ETNK1: variants seen among roughly 807,000 people sequenced by gnomAD.
ETNK1 encodes ethanolamine kinase 1, also known as putative protein product of Nbla10396.
A neutral mutation model predicts 45.1 loss-of-function variants in ETNK1; 8 were observed. That is an observed-to-expected ratio of 0.18 (90% confidence interval 0.10 to 0.32). The LOEUF (loss-of-function observed/expected upper bound fraction) is 0.32. ETNK1 is among the 10% of genes least tolerant of loss of function. The pLI, the probability that ETNK1 is intolerant of heterozygous loss-of-function variation, is 1.00. For synonymous variants in ETNK1, 152 were observed against 151.9 expected (o/e 1.00, Z -0.01); for missense variants, 302 against 430.6 (o/e 0.70, Z 2.64).
At chr12:22,653,337 C>T (rs1953901312) in intron 2 of ETNK1, among the ~76,000 whole-genome samples, 1 of 152,120 alleles carries the variant, frequency 6.6e-6, no homozygotes, top group Non-Finnish European at 1.5e-5. Flanking sequence ...ATTTTAGCTA[C>T]TCGGGTCCCT....
intron 2 of ETNK1, among the ~76,000 whole-genome samples, chr12:22,646,341 CG>C (rs1475520314): frequency 1.3e-4 from 20 of 151,642 alleles, no homozygotes; most frequent in African/African-American, 4.6e-4. Flanking sequence ...CAAATATGTA[CG>C]GTGAAATACT....
At chr12:22,655,127 C>T (rs967245567) in intron 2 of ETNK1, among the ~76,000 whole-genome samples, 3 of 151,846 alleles carry the variant, frequency 2.0e-5, no homozygotes, top group African/African-American at 7.3e-5. Flanking sequence ...CCACCACATC[C>T]GGCTAATTTT....
At chr12:22,637,247 T>C (rs1953668406) in intron 1 of ETNK1, among the ~76,000 whole-genome samples, 1 of 152,210 alleles carries the variant, frequency 6.6e-6, no homozygotes, top group African/African-American at 2.4e-5. Context: ...GTTTCCCATC[T>C]CTCAGGGATC....
chr12:22,646,718 C>G (rs1157992822), intron 2 of ETNK1, among the ~76,000 whole-genome samples: 1 of 151,734 alleles, frequency 6.6e-6, no homozygotes, highest in Non-Finnish European at 1.5e-5. Flanking sequence ...GCTCATTCAA[C>G]CATAGCTGTA....
chr12:22,645,793 T>C (rs997011316), intron 2 of ETNK1, among the ~76,000 whole-genome samples: 1 of 151,804 alleles, frequency 6.6e-6, no homozygotes, highest in Admixed American at 6.6e-5. Flanking sequence ...TGCTGTATTA[T>C]TGAATGCTAG....
At chr12:22,655,738 TC>T (rs1953932951) in intron 2 of ETNK1, among the ~76,000 whole-genome samples, 1 of 152,036 alleles carries the variant, frequency 6.6e-6, no homozygotes, top group South Asian at 2.1e-4. Context: ...TAATTTTTTT[TC>T]CTGGTGTTTG....
At chr12:22,635,508 A>C (rs1953644352) in intron 1 of ETNK1, among the ~76,000 whole-genome samples, 1 of 152,234 alleles carries the variant, frequency 6.6e-6, no homozygotes, top group African/African-American at 2.4e-5. Context: ...ATACCAAGAT[A>C]CAATGAACAG....
Position 22,688,546 on chromosome 12 carries a change from C to T in ETNK1, c.*3592C>T, listed in dbSNP as rs1954279246. On this transcript the variant is annotated 3_prime_UTR_variant, in exon 8 of 8. Transcript: ENST00000266517. Reference sequence around the variant, plus strand: ...TTCATAATATAAGTGAAAATACTGTCATTTCAATTTTCTGCTTTAAATTGT... The same window carrying T: ...TTCATAATATAAGTGAAAATACTGTTATTTCAATTTTCTGCTTTAAATTGT... 1 of 152,248 alleles carries T rather than the reference C, an allele frequency of 6.6e-6. No individual in the cohort carries two copies. Among genetic ancestry groups the T allele is most frequent in the African/African-American group, 2.4e-5 (1 of 41,420 alleles). The allele number at this position is 152,248 out of a possible 1,614,324, so 9.4% of individuals were successfully genotyped here. A position where few individuals can be genotyped will look rare whatever the true frequency, so the allele number is the denominator to read the frequency against.
chr12:22,626,045 C>G (rs560995441), intron 1 of ETNK1: 5 of 366,196 alleles, frequency 1.4e-5, no homozygotes, highest in South Asian at 1.0e-4. Flanking sequence ...CCTCACACTG[C>G]GTTTTGTCTT....
intron 6 of ETNK1, among the ~76,000 whole-genome samples, chr12:22,681,939 C>T (rs1954219037): frequency 6.6e-6 from 1 of 152,098 alleles, no homozygotes; most frequent in Non-Finnish European, 1.5e-5. Context: ...GACCAAAGCT[C>T]AACAAGTGAT....
intron 2 of ETNK1, among the ~76,000 whole-genome samples, chr12:22,651,730 C>T: frequency 7.0e-6 from 1 of 143,530 alleles, no homozygotes; most frequent in Non-Finnish European, 1.5e-5. Context: ...TGTCGCCCAG[C>T]CTGGTGTGCA....
Position 22,688,062 on chromosome 12 carries a change from T to C in ETNK1, c.*3108T>C, listed in dbSNP as rs1476907878. On this transcript the variant is annotated 3_prime_UTR_variant, in exon 8 of 8. Coordinates refer to ENST00000266517, the MANE Select transcript of ETNK1 (RefSeq NM_018638.5). ...TTATACACTGTTATATTAATAGAGC[T>C]CCGTTCTTTGAGTCATGATTCCAAG... The C allele has an allele frequency of 6.6e-6, 1 of 152,234 alleles. No individual in the cohort carries two copies. Among genetic ancestry groups the C allele is most frequent in the Non-Finnish European group, 1.5e-5 (1 of 67,776 alleles). The allele number at this position is 152,234 out of a possible 1,614,324, so 9.4% of individuals were successfully genotyped here.
intron 1 of ETNK1, chr12:22,639,081 A>G (rs1284949378): frequency 6.6e-6 from 1 of 152,138 alleles, no homozygotes; most frequent in Non-Finnish European, 1.5e-5. Flanking sequence ...ATGCGTTTGT[A>G]TGTTTCATAA....
chr12:22,653,578 C>T (rs921475725), intron 2 of ETNK1, among the ~76,000 whole-genome samples: 13 of 152,068 alleles, frequency 8.5e-5, no homozygotes, highest in East Asian at 3.9e-4. Flanking sequence ...TCCTCAATTA[C>T]GGTTATTCCT....
chr12:22,625,887 C>T, intron 1 of ETNK1: 1 of 642,060 alleles, frequency 1.6e-6, no homozygotes. Context: ...TCCCACTCCC[C>T]AGTCCACGGT....
At chr12:22,637,966 A>G (rs555084224) in intron 1 of ETNK1, among the ~76,000 whole-genome samples, 1 of 152,290 alleles carries the variant, frequency 6.6e-6, no homozygotes, top group Non-Finnish European at 1.5e-5. Context: ...TAAGAATGGT[A>G]TTTAAAAATA....
chr12:22,682,500 GT>G (rs1222778808), intron 6 of ETNK1, among the ~76,000 whole-genome samples: 1 of 152,042 alleles, frequency 6.6e-6, no homozygotes, highest in African/African-American at 2.4e-5. Context: ...TTACCTAGGT[GT>G]TTTTCCTGAG....
At chr12:22,671,965 C>T (rs1367985516) in intron 5 of ETNK1, among the ~76,000 whole-genome samples, 1 of 151,666 alleles carries the variant, frequency 6.6e-6, no homozygotes, top group African/African-American at 2.4e-5. Flanking sequence ...CACAGCAGCC[C>T]TACAAGGTAA....
intron 2 of ETNK1, among the ~76,000 whole-genome samples, chr12:22,657,445 G>A (rs114849284): frequency 2.0e-5 from 3 of 151,848 alleles, no homozygotes; most frequent in Non-Finnish European, 2.9e-5. Context: ...TCAAACATGG[G>A]GTAAATCCAG....
Sources: gnomAD v4.1 joint callset for allele counts (sites outside exome capture counted in the v4.1 genomes callset) on GRCh38, gnomAD v4.1.1 for gene constraint, MANE v1.5 for transcripts, NCBI Gene and HGNC (gene_info 2026-07-23, HGNC 2026-07-21) for gene names.